KDM4B: variants seen among roughly 807,000 people sequenced by gnomAD.
The protein encoded by KDM4B is lysine demethylase 4B.
In KDM4B, 32 loss-of-function variants were observed where a neutral mutation model predicts 125.2. The ratio of observed to expected loss-of-function variants is 0.26; its 90% CI spans 0.19 to 0.34. The LOEUF is 0.34. Among genes scored for constraint, KDM4B ranks in the 10% least tolerant of loss-of-function variants. The probability of loss-of-function intolerance (pLI) is 1.00; values close to 1 mark genes in which losing one functional copy is unlikely to be tolerated. For missense variants in KDM4B, 1,190 were observed against 1,577.7 expected (o/e 0.75, Z 4.16); for synonymous variants, 721 against 677.9 (o/e 1.06, Z -0.99).
At chr19:5,014,129 T>A (rs1278340447) in intron 1 of KDM4B, among the ~76,000 whole-genome samples, 2 of 152,254 alleles carry the variant, frequency 1.3e-5, no homozygotes, top group Non-Finnish European at 2.9e-5. Context: ...TTGCGTGCTC[T>A]AGGGCATTTG....
At chr19:5,069,012 TTTCA>T (rs1185398216) in intron 6 of KDM4B, among the ~76,000 whole-genome samples, 1 of 152,158 alleles carries the variant, frequency 6.6e-6, no homozygotes, top group African/African-American at 2.4e-5. Flanking sequence ...GAGCAGAGTG[TTTCA>T]TTCCCTGTGC....
chr19:5,039,555 G>T (rs1218820116), intron 3 of KDM4B, among the ~76,000 whole-genome samples: 2 of 152,218 alleles, frequency 1.3e-5, no homozygotes, highest in African/African-American at 4.8e-5. Flanking sequence ...GTCTAATCCT[G>T]CACACACGTG....
intron 9 of KDM4B, among the ~76,000 whole-genome samples, chr19:5,102,015 G>A (rs1035365450): frequency 1.3e-5 from 2 of 152,206 alleles, no homozygotes; most frequent in African/African-American, 4.8e-5. Context: ...CAGGGTGCCA[G>A]GAGGGGTCGG....
intron 11 of KDM4B, among the ~76,000 whole-genome samples, chr19:5,130,044 G>C (rs936141657): frequency 3.3e-5 from 5 of 152,188 alleles, no homozygotes; most frequent in Admixed American, 6.5e-5. Context: ...CCAGCATCTA[G>C]AGGCCCCTGC....
intron 9 of KDM4B, among the ~76,000 whole-genome samples, chr19:5,087,367 C>G (rs1052210413): frequency 6.6e-6 from 1 of 152,208 alleles, no homozygotes; most frequent in Non-Finnish European, 1.5e-5. Flanking sequence ...GTCCCCACCC[C>G]CGGCTCTCCA....
chr19:5,044,035 C>G (rs34248178), intron 5 of KDM4B, among the ~76,000 whole-genome samples: 1 of 40,336 alleles, frequency 2.5e-5, no homozygotes, highest in Non-Finnish European at 4.6e-5. Flanking sequence ...TTATCCCACG[C>G]GGTGTTTATC....
rs1006982291 is a variant in KDM4B, at chr19:4,984,102, G to A, written c.-109+14872G>A. ...TGCTCCTGGCGTGGGGTGGGTGGAGGGCAAGGACACTGCTCAGCACCCTGC... is the reference window on the plus strand; with the variant it reads ...TGCTCCTGGCGTGGGGTGGGTGGAGAGCAAGGACACTGCTCAGCACCCTGC... On this transcript the variant is annotated intron_variant, in intron 1 of 22. Transcript: ENST00000159111. 3.3e-5 allele frequency among the ~76,000 whole-genome samples: 5 copies of A among 152,298 alleles called. No homozygotes were observed. The East Asian group carries it at 9.7e-4, about 29-fold the overall frequency.
In KDM4B at chr19:5,081,689, G is replaced by A. The variant is rs1050376499; in HGVS notation, c.781-678G>A. On this transcript the variant is annotated intron_variant, in intron 8 of 22. Transcript: ENST00000159111. This position sits in a 1 kb window ranked among gnomAD's most constrained non-coding sequence, Gnocchi z 4.2. Reference sequence around the variant, plus strand: ...TGTGGTGTCAGGTCATGCCCCCGGTGTGCAGATATTTCTGGATCTCCATGA... The same window carrying A: ...TGTGGTGTCAGGTCATGCCCCCGGTATGCAGATATTTCTGGATCTCCATGA... 4.6e-5 allele frequency among the ~76,000 whole-genome samples: 7 copies of A among 152,222 alleles called. No individual in the cohort carries two copies. In the South Asian group the frequency reaches 8.3e-4, roughly 18 times the overall value.
chr19:5,077,513 A>G, intron 8 of KDM4B, 43 bp downstream of exon 8: 1 of 1,552,822 alleles, frequency 6.4e-7, no homozygotes, highest in Non-Finnish European at 8.9e-7. Context: ...TGAAGTGGGT[A>G]CCGGGTCCAA....
At chr19:5,000,019 A>G (rs1384674187) in intron 1 of KDM4B, among the ~76,000 whole-genome samples, 7 of 93,978 alleles carry the variant, frequency 7.4e-5, no homozygotes, top group South Asian at 3.9e-4. Context: ...CTATCCATCT[A>G]TCCATCCATC....
At chr19:5,038,046 C>T (rs974158162) in intron 3 of KDM4B, among the ~76,000 whole-genome samples, 1 of 152,248 alleles carries the variant, frequency 6.6e-6, no homozygotes. Flanking sequence ...GCGATGCAGG[C>T]GTCAACACAC....
chr19:5,013,870 C>G (rs115691803), intron 1 of KDM4B, among the ~76,000 whole-genome samples: 2 of 152,190 alleles, frequency 1.3e-5, no homozygotes, highest in Non-Finnish European at 2.9e-5. Context: ...TTCCGGTCCT[C>G]GGGTTCAGTT....
intron 14 of KDM4B, among the ~76,000 whole-genome samples, chr19:5,135,122 C>T (rs1599254550): frequency 2.0e-5 from 3 of 152,202 alleles, no homozygotes; most frequent in Non-Finnish European, 1.5e-5. Flanking sequence ...GGAAGGTCTT[C>T]GGCGGGTTGG....
chr19:5,027,950 T>G (rs191646032), intron 2 of KDM4B, among the ~76,000 whole-genome samples: 1 of 152,348 alleles, frequency 6.6e-6, no homozygotes, highest in East Asian at 1.9e-4. Flanking sequence ...CAAAAACTTG[T>G]GCAACTATCA....
chr19:5,137,031 C>T (rs2087185211), intron 15 of KDM4B, among the ~76,000 whole-genome samples: 1 of 152,226 alleles, frequency 6.6e-6, no homozygotes, highest in South Asian at 2.1e-4. Context: ...CGTCCTCTTT[C>T]CACACAAGTA....
Position 4,993,767 on chromosome 19 carries a change from C to T in KDM4B, c.-108-22490C>T, listed in dbSNP as rs138828197. Among the ~76,000 whole-genome samples the T allele has an allele frequency of 7.0e-3, 1,068 of 151,968 alleles. 10 individuals carry two copies. Among genetic ancestry groups the T allele is most frequent in the African/African-American group, 0.025 (1,023 of 41,460 alleles). On this transcript the variant is annotated intron_variant, in intron 1 of 22. Transcript: ENST00000159111. ...CTGGGACTACAGGTGTGTGTTGCCA[C>T]GCCTGGCTAATTTTTTTGAATTTTA...
chr19:5,119,883 G>A (rs1183311183), intron 11 of KDM4B, 31 bp downstream of exon 11: 23 of 1,541,450 alleles, frequency 1.5e-5, no homozygotes, highest in Middle Eastern at 4.6e-4. Flanking sequence ...GCCTGGCACC[G>A]CTGTTTTCCC....
Position 5,151,523 on chromosome 19 carries a change from G to A in KDM4B, c.*12G>A, listed in dbSNP as rs763442988. ...GAGCCCCCTTCTAGGACAGCTGGCCGCTCAGGCGACCCTCAGCCCGGCGGG... is the reference window on the plus strand; with the variant it reads ...GAGCCCCCTTCTAGGACAGCTGGCCACTCAGGCGACCCTCAGCCCGGCGGG... On this transcript the variant is annotated 3_prime_UTR_variant, in exon 23 of 23. Coordinates refer to ENST00000159111, the MANE Select transcript of KDM4B (RefSeq NM_015015.3). 1.3e-4 allele frequency: 181 copies of A among 1,354,036 alleles called. No homozygotes were observed. Among genetic ancestry groups the A allele is most frequent in the Non-Finnish European group, 1.7e-4 (178 of 1,048,056 alleles). The allele number at this position is 1,354,036 out of a possible 1,614,324, so 83.9% of individuals were successfully genotyped here.
intron 2 of KDM4B, among the ~76,000 whole-genome samples, chr19:5,021,882 C>G (rs561705804): frequency 1.5e-4 from 23 of 152,252 alleles, no homozygotes; most frequent in African/African-American, 5.1e-4. Context: ...GATCTGCCTG[C>G]CTCGTCCTCC....
Sources: allele counts gnomAD v4.1 joint callset (sites outside exome capture counted in the v4.1 genomes callset), GRCh38; gene constraint gnomAD v4.1.1; non-coding constraint Gnocchi (gnomAD v3.1); transcripts MANE v1.5; gene names NCBI Gene and HGNC (gene_info 2026-07-23, HGNC 2026-07-21).